The following PARD3B variants were observed in gnomAD, a reference collection of about 807,000 sequenced individuals.
PARD3B encodes partitioning defective 3 homolog B.
PARD3B carries 103 observed loss-of-function variants against 130.2 expected under a neutral mutation model. The observed-to-expected ratio is 0.79, with a 90% CI of 0.67 to 0.93. The LOEUF (loss-of-function observed/expected upper bound fraction) is 0.93, where lower values mean the gene tolerates loss of function less well. Ranked by LOEUF, PARD3B falls within the 40% of genes least tolerant of loss-of-function variation. The pLI is 0.00. For synonymous variants in PARD3B, 583 were observed against 553.2 expected (o/e 1.05, Z -0.76); for missense variants, 1,609 against 1,499.2 (o/e 1.07, Z -1.21).
At chr2:205,101,101 T>G (rs1702752982) in intron 4 of PARD3B, among the ~76,000 whole-genome samples, 4 of 152,038 alleles carry the variant, frequency 2.6e-5, no homozygotes, top group Non-Finnish European at 2.9e-5. Context: ...GATAAGAAAT[T>G]TGTATATGGA....
intron 14 of PARD3B, among the ~76,000 whole-genome samples, chr2:205,192,327 A>G (rs943591167): frequency 5.3e-5 from 8 of 152,180 alleles, no homozygotes; most frequent in African/African-American, 1.9e-4. Flanking sequence ...AGGATACATG[A>G]TTTGGATTTT....
At chr2:205,074,404 C>T (rs1410562507) in intron 4 of PARD3B, among the ~76,000 whole-genome samples, 1 of 152,078 alleles carries the variant, frequency 6.6e-6, no homozygotes, top group Non-Finnish European at 1.5e-5. Flanking sequence ...TCTAATTCTA[C>T]CTTGATGGGT....
chr2:204,976,423 T>C (rs571782971), intron 3 of PARD3B, among the ~76,000 whole-genome samples: 7 of 152,184 alleles, frequency 4.6e-5, no homozygotes, highest in Admixed American at 1.3e-4. Context: ...AGTGACCTAA[T>C]TGGATAGTCG....
intron 2 of PARD3B, among the ~76,000 whole-genome samples, chr2:204,692,541 G>A (rs1485493815): frequency 6.6e-6 from 1 of 151,330 alleles, no homozygotes; most frequent in Non-Finnish European, 1.5e-5. Flanking sequence ...TCATTTCTTA[G>A]CCCTCATTTT....
At chr2:205,615,130 C>A in intron 22 of PARD3B, among the ~76,000 whole-genome samples, 1 of 152,264 alleles carries the variant, frequency 6.6e-6, no homozygotes, top group East Asian at 1.9e-4. Flanking sequence ...CTCTCATGCA[C>A]CAATGTGAAT....
intron 22 of PARD3B, among the ~76,000 whole-genome samples, chr2:205,586,099 T>A (rs2054187682): frequency 6.6e-6 from 1 of 152,228 alleles, no homozygotes; most frequent in Non-Finnish European, 1.5e-5. Flanking sequence ...AAGTTCATGA[T>A]TTACCCATCT....
At chr2:204,798,202 G>A (rs1575009007) in intron 2 of PARD3B, among the ~76,000 whole-genome samples, 1 of 152,176 alleles carries the variant, frequency 6.6e-6, no homozygotes, top group Non-Finnish European at 1.5e-5. Flanking sequence ...TCCCCCAGCA[G>A]CCGCTGCTTG....
At position 205,121,151 on chromosome 2, in the gene PARD3B, T is replaced by A. The variant is rs2030662351; in HGVS notation, c.807-440T>A. Among the ~76,000 whole-genome samples, 1 of 152,232 alleles carries A rather than the reference T, an allele frequency of 6.6e-6. No individual in the cohort carries two copies. Among genetic ancestry groups the A allele is most frequent in the Non-Finnish European group, 1.5e-5 (1 of 68,032 alleles). On this transcript the variant is annotated intron_variant, in intron 7 of 22. Coordinates refer to ENST00000406610, the MANE Select transcript of PARD3B (RefSeq NM_001302769.2). This position sits in a 1 kb window ranked among gnomAD's most constrained non-coding sequence, Gnocchi z 5.0. Reference sequence around the variant, plus strand: ...AGAGAAGATCTGTACTTTAGAAGGATGTCCTAAAAGAAACCTAACTAATGA... The same window carrying A: ...AGAGAAGATCTGTACTTTAGAAGGAAGTCCTAAAAGAAACCTAACTAATGA...
intron 1 of PARD3B, among the ~76,000 whole-genome samples, chr2:204,641,129 T>A (rs2035063052): frequency 6.7e-6 from 1 of 148,600 alleles, no homozygotes; most frequent in Non-Finnish European, 1.5e-5. Context: ...ATGACTTTTT[T>A]AAAGATACTT....
At chr2:205,236,779 C>A (rs114340442) in intron 15 of PARD3B, among the ~76,000 whole-genome samples, 12 of 152,248 alleles carry the variant, frequency 7.9e-5, no homozygotes, top group Admixed American at 2.0e-4. Flanking sequence ...ATGGTGGACA[C>A]ATCACGTTAC....
At chr2:204,860,887 A>C (rs1282421441) in intron 2 of PARD3B, among the ~76,000 whole-genome samples, 1 of 152,206 alleles carries the variant, frequency 6.6e-6, no homozygotes, top group African/African-American at 2.4e-5. Context: ...GCAGATTAGC[A>C]GTGGTTCTTG....
intron 18 of PARD3B, among the ~76,000 whole-genome samples, chr2:205,354,353 T>A (rs1423243775): frequency 1.3e-5 from 2 of 151,738 alleles, no homozygotes; most frequent in South Asian, 2.1e-4. Flanking sequence ...GACAGCAGAT[T>A]AAAGAAGGAA....
chr2:205,569,834 T>C (rs898411079), intron 22 of PARD3B, among the ~76,000 whole-genome samples: 2 of 152,140 alleles, frequency 1.3e-5, no homozygotes, highest in Admixed American at 6.5e-5. Flanking sequence ...TGGTACTTCT[T>C]CTTGCAAAAT....
intron 21 of PARD3B, among the ~76,000 whole-genome samples, chr2:205,523,707 A>ACATAGATC (rs763451726): frequency 3.3e-5 from 5 of 151,906 alleles, no homozygotes; most frequent in African/African-American, 4.8e-5. Flanking sequence ...TTTTAATGTG[A>ACATAGATC]CATAGATCCT....
Position 205,343,712 on chromosome 2 carries a change from G to A in PARD3B, c.2630+42011G>A, listed in dbSNP as rs1024968245. On this transcript the variant is annotated intron_variant, in intron 18 of 22. Transcript: ENST00000406610. The stretch of plus-strand genomic sequence containing the variant: ...CTGGCTCACAGCTGTGGAGAACAGC[G>A]TGCTTGTGTCTGAGCCTCCTGACGT... 6.6e-5 allele frequency among the ~76,000 whole-genome samples: 10 copies of A among 152,210 alleles called. No homozygotes were observed. In the East Asian group the frequency reaches 1.2e-3, roughly 18 times the overall value.
chr2:205,103,008 CA>C (rs1445133166), intron 4 of PARD3B, among the ~76,000 whole-genome samples: 2 of 151,868 alleles, frequency 1.3e-5, no homozygotes, highest in Non-Finnish European at 2.9e-5. Context: ...GCGGAGGTTG[CA>C]GTGAGCCGAG....
intron 20 of PARD3B, among the ~76,000 whole-genome samples, chr2:205,477,529 G>T (rs965298472): frequency 6.6e-6 from 1 of 152,042 alleles, no homozygotes; most frequent in Admixed American, 6.6e-5. Flanking sequence ...GCAATAAAAT[G>T]ATTACAGCTG....
chr2:205,299,178 T>C (rs1399830673), intron 16 of PARD3B, among the ~76,000 whole-genome samples: 2 of 152,222 alleles, frequency 1.3e-5, no homozygotes, highest in Admixed American at 6.5e-5. Context: ...TAGGTATATA[T>C]ATACATCAGT....
At chr2:204,627,557 G>C (rs1295044550) in intron 1 of PARD3B, among the ~76,000 whole-genome samples, 2 of 152,082 alleles carry the variant, frequency 1.3e-5, no homozygotes, top group Non-Finnish European at 1.5e-5. Flanking sequence ...AAGTTAGCTT[G>C]TTCTAGAATT....
Sources: gnomAD v4.1 joint callset for allele counts (sites outside exome capture counted in the v4.1 genomes callset) on GRCh38, gnomAD v4.1.1 for gene constraint, Gnocchi (gnomAD v3.1) non-coding constraint, MANE v1.5 for transcripts, NCBI Gene and HGNC (gene_info 2026-07-23, HGNC 2026-07-21) for gene names.